PRKN: variants seen among roughly 807,000 people sequenced by gnomAD.
PRKN encodes E3 ubiquitin-protein ligase parkin.
In PRKN, 56 loss-of-function variants were observed where a neutral mutation model predicts 59.5. The observed-to-expected ratio is 0.94, with a 90% CI of 0.76 to 1.18. The LOEUF is 1.18. Ranked by LOEUF, PRKN falls within the 50% of genes most tolerant of loss-of-function variation. The pLI is 0.00. For synonymous variants in PRKN, 250 were observed against 222.1 expected, an observed-to-expected ratio of 1.13 and a Z score of -1.12; for missense variants, 657 against 596.4, an observed-to-expected ratio of 1.10 and a Z score of -1.06.
chr6:162,012,772 C>G (rs1195937328), intron 5 of PRKN, among the ~76,000 whole-genome samples: 1 of 152,118 alleles, frequency 6.6e-6, no homozygotes, highest in Non-Finnish European at 1.5e-5. Flanking sequence ...CAATCTCTCT[C>G]TCATAGCCTT....
At chr6:161,645,261 A>T (rs982824388) in intron 7 of PRKN, among the ~76,000 whole-genome samples, 1 of 151,906 alleles carries the variant, frequency 6.6e-6, no homozygotes, top group Non-Finnish European at 1.5e-5. Flanking sequence ...AAAAAAAATG[A>T]ATTACGGAAA....
At chr6:161,934,485 C>A (rs1292957153) in intron 6 of PRKN, among the ~76,000 whole-genome samples, 1 of 152,148 alleles carries the variant, frequency 6.6e-6, no homozygotes, top group African/African-American at 2.4e-5. Flanking sequence ...TAGGCCTTGA[C>A]CCACAATATG....
intron 7 of PRKN, among the ~76,000 whole-genome samples, chr6:161,733,442 G>A (rs1009779958): frequency 6.6e-6 from 1 of 152,076 alleles, no homozygotes; most frequent in African/African-American, 2.4e-5. Context: ...CTTCAGATAC[G>A]AAAGGCAACT....
intron 4 of PRKN, among the ~76,000 whole-genome samples, chr6:162,071,365 G>A (rs6915796): frequency 0.83 from 125,292 of 151,512 alleles, 51,944 homozygotes; most frequent in Admixed American, 0.88. Flanking sequence ...GTTATTCAAA[G>A]TACCTTAGTA....
At chr6:161,715,700 A>G (rs1307682803) in intron 7 of PRKN, among the ~76,000 whole-genome samples, 4 of 152,190 alleles carry the variant, frequency 2.6e-5, no homozygotes, top group African/African-American at 7.2e-5. Context: ...GATGTTGCTC[A>G]GTTAAATCTC....
intron 2 of PRKN, among the ~76,000 whole-genome samples, chr6:162,332,859 C>A (rs1783648225): frequency 6.6e-6 from 1 of 152,104 alleles, no homozygotes. Context: ...GCCCCACACA[C>A]AGCTTCATGA....
rs553574597 is a variant in PRKN, at chr6:161,487,304, A to G, written c.1083+61550T>C. Among the ~76,000 whole-genome samples, 1 of 152,308 alleles carries G rather than the reference A, an allele frequency of 6.6e-6. No homozygotes were observed. The highest frequency in any genetic ancestry group is 1.9e-4 in the East Asian group (1 of 5,178). On this transcript the variant is annotated intron_variant, in intron 9 of 11. Coordinates refer to ENST00000366898, the MANE Select transcript of PRKN (RefSeq NM_004562.3). The surrounding 1 kb of genome is among the most constrained non-coding windows in gnomAD (Gnocchi z 5.3). ...GCTCAGTGAAGGGGCTGGGACTCCC[A>G]GCACTTGCCTGGTTCAGATCACACT...
intron 2 of PRKN, among the ~76,000 whole-genome samples, chr6:162,284,406 T>C (rs1325328256): frequency 6.6e-6 from 1 of 151,932 alleles, no homozygotes. Context: ...GTATTTTTAG[T>C]AGAGACCAGG....
intron 2 of PRKN, among the ~76,000 whole-genome samples, chr6:162,431,962 C>T (rs938939775): frequency 6.6e-6 from 1 of 152,124 alleles, no homozygotes; most frequent in African/African-American, 2.4e-5. Flanking sequence ...TTTTAATAAA[C>T]TGAAATGAAT....
intron 7 of PRKN, among the ~76,000 whole-genome samples, chr6:161,742,856 C>G (rs1240546494): frequency 6.6e-6 from 1 of 152,138 alleles, no homozygotes; most frequent in African/African-American, 2.4e-5. Context: ...AGGGGTGGCG[C>G]CCCCTCATCT....
At chr6:161,839,213 G>C (rs1320874337) in intron 6 of PRKN, among the ~76,000 whole-genome samples, 1 of 152,158 alleles carries the variant, frequency 6.6e-6, no homozygotes, top group Non-Finnish European at 1.5e-5. Flanking sequence ...ACTGGGAAGA[G>C]ATGGAGAGAA....
At chr6:162,025,720 C>G (rs554777450) in intron 5 of PRKN, among the ~76,000 whole-genome samples, 25 of 149,226 alleles carry the variant, frequency 1.7e-4, no homozygotes, top group Non-Finnish European at 3.5e-4. Context: ...TCCTGAGTAG[C>G]TGGGACCACA....
chr6:162,280,302 T>A (rs957103109), intron 2 of PRKN, among the ~76,000 whole-genome samples: 2 of 152,098 alleles, frequency 1.3e-5, no homozygotes, highest in Non-Finnish European at 2.9e-5. Context: ...GTTATGAAAT[T>A]AAGGCAGAAA....
intron 4 of PRKN, among the ~76,000 whole-genome samples, chr6:162,172,461 C>A (rs182916199): frequency 6.6e-6 from 1 of 152,306 alleles, no homozygotes; most frequent in East Asian, 1.9e-4. Flanking sequence ...CAGAGCCAGG[C>A]CGGCCCACAC....
In PRKN at chr6:161,440,178, C is replaced by T. The variant is rs1231967915; in HGVS notation, c.1084-53301G>A. On this transcript the variant is annotated intron_variant, in intron 9 of 11. Coordinates refer to ENST00000366898, the MANE Select transcript of PRKN (RefSeq NM_004562.3). This position sits in a 1 kb window ranked among gnomAD's most constrained non-coding sequence, Gnocchi z 4.1. ...CCGTGTTAGCCAGGATGCTCTCCAT[C>T]TCCTGACCTCGTGATCCGCCCGTCT... Among the ~76,000 whole-genome samples, 3 of 152,046 alleles carry T rather than the reference C, an allele frequency of 2.0e-5. No individual in the cohort carries two copies. The highest frequency in any genetic ancestry group is 1.9e-4 in the East Asian group (1 of 5,158).
intron 1 of PRKN, among the ~76,000 whole-genome samples, chr6:162,504,438 T>C (rs1271238615): frequency 6.6e-6 from 1 of 152,010 alleles, no homozygotes; most frequent in Non-Finnish European, 1.5e-5. Flanking sequence ...ATAATAAAAG[T>C]AGTAACTAAA....
Position 162,016,216 on chromosome 6 carries a change from A to G in PRKN, c.618+37875T>C, listed in dbSNP as rs141241761. Among the ~76,000 whole-genome samples the G allele has an allele frequency of 5.8e-3, 882 of 152,312 alleles. 5 individuals are homozygous for G. Among genetic ancestry groups the G allele is most frequent in the Middle Eastern group, 0.01 (3 of 294 alleles). On this transcript the variant is annotated intron_variant, in intron 5 of 11. Coordinates refer to ENST00000366898, the MANE Select transcript of PRKN (RefSeq NM_004562.3). ...GTTGTTGTTCCAATTTATTTTCTGTAAGCCACATTAATTATACATATGAAT... is the reference window on the plus strand; with the variant it reads ...GTTGTTGTTCCAATTTATTTTCTGTGAGCCACATTAATTATACATATGAAT...
intron 1 of PRKN, among the ~76,000 whole-genome samples, chr6:162,509,738 T>C (rs1211296872): frequency 6.6e-6 from 1 of 152,182 alleles, no homozygotes; most frequent in Non-Finnish European, 1.5e-5. Flanking sequence ...TATAAAAAAG[T>C]CATTAGTTGT....
intron 4 of PRKN, among the ~76,000 whole-genome samples, chr6:162,142,994 G>T (rs75482880): frequency 6.6e-6 from 1 of 152,190 alleles, no homozygotes; most frequent in Non-Finnish European, 1.5e-5. Context: ...TGACTGAATT[G>T]GTCAAGATGA....
Sources: gnomAD v4.1 joint callset for allele counts (sites outside exome capture counted in the v4.1 genomes callset) on GRCh38, gnomAD v4.1.1 for gene constraint, Gnocchi (gnomAD v3.1) non-coding constraint, MANE v1.5 for transcripts, NCBI Gene and HGNC (gene_info 2026-07-23, HGNC 2026-07-21) for gene names.